The following NALF1 variants were observed in gnomAD, a reference collection of about 807,000 sequenced individuals.
The protein encoded by NALF1 is NALCN channel auxiliary factor 1.
In NALF1, 3 loss-of-function variants were observed where a neutral mutation model predicts 48.4. The ratio of observed to expected loss-of-function variants is 0.06; its 90% CI spans 0.03 to 0.16. NALF1 has a LOEUF of 0.16. NALF1 is among the 10% of genes least tolerant of loss of function. The probability of loss-of-function intolerance (pLI) is 1.00; values close to 1 mark genes in which losing one functional copy is unlikely to be tolerated. For missense variants in NALF1, 526 were observed against 571.5 expected (o/e 0.92, Z 0.81); for synonymous variants, 262 against 245.7 (o/e 1.07, Z -0.62).
At chr13:107,808,588 G>GA (rs1366252509) in intron 1 of NALF1, among the ~76,000 whole-genome samples, 1 of 151,694 alleles carries the variant, frequency 6.6e-6, no homozygotes, top group Non-Finnish European at 1.5e-5. Context: ...AAGTGTAGCT[G>GA]AAAGAGGGAG....
In NALF1 at chr13:107,362,052, A is replaced by C. The variant is rs1288676228; in HGVS notation, c.916-151297T>G. Among the ~76,000 whole-genome samples the C allele has an allele frequency of 6.6e-6, 1 of 152,156 alleles. No homozygotes were observed. Among genetic ancestry groups the C allele is most frequent in the African/African-American group, 2.4e-5 (1 of 41,432 alleles). On this transcript the variant is annotated intron_variant, in intron 1 of 2. Coordinates refer to ENST00000375915, the MANE Select transcript of NALF1 (RefSeq NM_001080396.3). The surrounding 1 kb of genome is among the most constrained non-coding windows in gnomAD (Gnocchi z 4.6). ...GGTCCCTGAGAAACTAGTAAACAGA[A>C]GTCGCACTGCCAGCCTGCAGTGCAT...
chr13:107,568,353 TGAAA>T, intron 1 of NALF1, among the ~76,000 whole-genome samples: 1 of 152,372 alleles, frequency 6.6e-6, no homozygotes, highest in South Asian at 2.1e-4. Context: ...TTTCTCTCAC[TGAAA>T]GACTTTTGAA....
At chr13:107,174,949 T>G (rs1164355397) in intron 2 of NALF1, among the ~76,000 whole-genome samples, 1 of 150,746 alleles carries the variant, frequency 6.6e-6, no homozygotes, top group Non-Finnish European at 1.5e-5. Context: ...AGCGGCGCGA[T>G]CTCGGCTCAC....
At chr13:107,729,004 T>C (rs1379824970) in intron 1 of NALF1, among the ~76,000 whole-genome samples, 5 of 152,184 alleles carry the variant, frequency 3.3e-5, no homozygotes, top group Admixed American at 6.5e-5. Context: ...TGTTCATCAT[T>C]GCATAGAATG....
chr13:107,405,302 T>G (rs144332317), intron 1 of NALF1, among the ~76,000 whole-genome samples: 99 of 152,138 alleles, frequency 6.5e-4, no homozygotes, highest in African/African-American at 2.2e-3. Flanking sequence ...AAGTAGAGAT[T>G]TCTGCAAACC....
intron 1 of NALF1, among the ~76,000 whole-genome samples, chr13:107,660,364 G>A (rs1880695100): frequency 6.6e-6 from 1 of 150,870 alleles, no homozygotes; most frequent in Non-Finnish European, 1.5e-5. Context: ...GAACCTGGGG[G>A]CAGAGGTTGC....
chr13:107,860,921 C>A (rs938014337), intron 1 of NALF1, among the ~76,000 whole-genome samples: 1 of 152,116 alleles, frequency 6.6e-6, no homozygotes, highest in African/African-American at 2.4e-5. Context: ...CTAACTTCAT[C>A]TAATAAAAGA....
intron 1 of NALF1, among the ~76,000 whole-genome samples, chr13:107,330,080 AG>A (rs1882440336): frequency 6.6e-6 from 1 of 152,154 alleles, no homozygotes; most frequent in African/African-American, 2.4e-5. Flanking sequence ...CTCCCTGCCC[AG>A]GATGGACCCT....
At chr13:107,270,068 C>A (rs1351574279) in intron 1 of NALF1, among the ~76,000 whole-genome samples, 2 of 151,708 alleles carry the variant, frequency 1.3e-5, no homozygotes, top group Non-Finnish European at 2.9e-5. Flanking sequence ...CCGCGCCTGG[C>A]CAGAAATATG....
chr13:107,365,074 T>C (rs1266201791), intron 1 of NALF1, among the ~76,000 whole-genome samples: 1 of 144,746 alleles, frequency 6.9e-6, no homozygotes, highest in African/African-American at 2.6e-5. Flanking sequence ...TCCTCTTCCT[T>C]TTATTCCTTC....
intron 1 of NALF1, among the ~76,000 whole-genome samples, chr13:107,814,271 A>C (rs55910567): frequency 0.13 from 19,955 of 152,108 alleles, 1,521 homozygotes; most frequent in Middle Eastern, 0.23. Flanking sequence ...ATTTTTAGAC[A>C]ATACCCCTAT....
chr13:107,656,150 A>G (rs1385094843), intron 1 of NALF1, among the ~76,000 whole-genome samples: 5 of 150,636 alleles, frequency 3.3e-5, no homozygotes, highest in African/African-American at 1.2e-4. Flanking sequence ...AAAAAAAAAG[A>G]TAAATAGATG....
chr13:107,528,109 T>A (rs545213465), intron 1 of NALF1, among the ~76,000 whole-genome samples: 1 of 152,250 alleles, frequency 6.6e-6, no homozygotes, highest in African/African-American at 2.4e-5. Context: ...GCTTAAATAG[T>A]CAATTATTTG....
At position 107,372,904 on chromosome 13, in the gene NALF1, C is replaced by G. The variant is rs540631560; in HGVS notation, c.916-162149G>C. The stretch of plus-strand genomic sequence containing the variant: ...TCTAACTCTCTTTTTCCTAGTAATA[C>G]CAATTACTGGGATAGCAAATACAAC... On this transcript the variant is annotated intron_variant, in intron 1 of 2. Transcript: ENST00000375915. Among the ~76,000 whole-genome samples, 8 of 152,220 alleles carry G rather than the reference C, an allele frequency of 5.3e-5. No homozygotes were observed. The East Asian group carries it at 1.5e-3, about 29-fold the overall frequency.
chr13:107,540,398 T>A (rs1177117819), intron 1 of NALF1, among the ~76,000 whole-genome samples: 5 of 152,018 alleles, frequency 3.3e-5, no homozygotes, highest in Non-Finnish European at 7.4e-5. Flanking sequence ...ATACTTATAC[T>A]ACATAAACAA....
intron 1 of NALF1, among the ~76,000 whole-genome samples, chr13:107,669,156 AGAAGAAAG>A (rs1301452746): frequency 6.6e-6 from 1 of 152,102 alleles, no homozygotes; most frequent in Non-Finnish European, 1.5e-5. Context: ...CCTAATACAC[AGAAGAAAG>A]GAAGAAAGGA....
chr13:107,201,507 G>A (rs1205534778), intron 2 of NALF1, among the ~76,000 whole-genome samples: 1 of 152,098 alleles, frequency 6.6e-6, no homozygotes, highest in Non-Finnish European at 1.5e-5. Context: ...AACCCGCGAG[G>A]GGGAGCTTCC....
chr13:107,600,808 CACTTA>C (rs1470689646), intron 1 of NALF1, among the ~76,000 whole-genome samples: 1 of 152,156 alleles, frequency 6.6e-6, no homozygotes, highest in East Asian at 1.9e-4. Context: ...ATATTCCTGA[CACTTA>C]ACTTGACCTC....
rs560894532 is a variant in NALF1 at position 107,613,001 on chromosome 13, A to AG, written c.915+252680dup. On this transcript the variant is annotated intron_variant, in intron 1 of 2. Coordinates refer to ENST00000375915, the MANE Select transcript of NALF1 (RefSeq NM_001080396.3). Reference sequence around the variant, plus strand: ...TTTTTTGGGTTTTTTTCCCACAATGAGAAAAAAAAAAAAGAAAAGAAAAGA... The same window carrying AG: ...TTTTTTGGGTTTTTTTCCCACAATGAGGAAAAAAAAAAAAGAAAAGAAAAGA... 9.3e-3 allele frequency among the ~76,000 whole-genome samples: 955 copies of AG among 103,194 alleles called. 15 individuals carry two copies. Among genetic ancestry groups the AG allele is most frequent in the African/African-American group, 0.032 (909 of 28,676 alleles). 67.7% of individuals were successfully genotyped at this position (103,194 alleles called of 152,430 possible). A position where few individuals can be genotyped will look rare whatever the true frequency, so the allele number is the denominator to read the frequency against.
Sources: allele counts gnomAD v4.1 joint callset (sites outside exome capture counted in the v4.1 genomes callset), GRCh38; gene constraint gnomAD v4.1.1; non-coding constraint Gnocchi (gnomAD v3.1); transcripts MANE v1.5; gene names NCBI Gene and HGNC (gene_info 2026-07-23, HGNC 2026-07-21).